Variants in CCKAR observed in about 807,000 individuals in gnomAD.
CCKAR encodes the protein cholecystokinin receptor type A.
CCKAR carries 21 observed loss-of-function variants against 29.8 expected under a neutral mutation model. The ratio of observed to expected loss-of-function variants is 0.70; its 90% CI spans 0.50 to 1.01. CCKAR has a LOEUF of 1.01. Ranked by LOEUF, CCKAR falls within the 50% of genes least tolerant of loss-of-function variation. The pLI, the probability that CCKAR is intolerant of heterozygous loss-of-function variation, is 0.00. For synonymous variants in CCKAR, 238 were observed against 221.3 expected, an observed-to-expected ratio of 1.08 and a Z score of -0.67; for missense variants, 570 against 560.6, an observed-to-expected ratio of 1.02 and a Z score of -0.17.
Position 26,487,231 on chromosome 4 carries a change from A to G in CCKAR, c.365-1333T>C, listed in dbSNP as rs114818598. On this transcript the variant is annotated intron_variant, in intron 2 of 4. Transcript: ENST00000295589. ...CCTTAGATTCTCCTTATTCTTATGG[A>G]TATAAACTAATTCTCTGAAACTATA... Among the ~76,000 whole-genome samples, 694 of 152,246 alleles carry G rather than the reference A, an allele frequency of 4.6e-3. 7 individuals are homozygous for G. The highest frequency in any genetic ancestry group is 0.015 in the African/African-American group (642 of 41,538).
chr4:26,488,582 C>G (rs1577708982), intron 2 of CCKAR, among the ~76,000 whole-genome samples: 1 of 152,306 alleles, frequency 6.6e-6, no homozygotes, highest in East Asian at 1.9e-4. Flanking sequence ...CTCAGCCAAT[C>G]AGGGTCAGCT....
Position 26,489,295 on chromosome 4 carries a change from G to C in CCKAR, c.302C>G (p.Pro101Arg), listed in dbSNP as rs200314183. 3.1e-6 allele frequency: 5 copies of C among 1,614,044 alleles called. No homozygotes were observed. Among genetic ancestry groups the C allele is most frequent in the Non-Finnish European group, 4.2e-6 (5 of 1,180,042 alleles). ...CLFCMPFNLI[P>R]NLLKDFIFGS... Reference sequence around the variant, plus strand: ...GAAGATGAAATCCTTGAGCAGATTGGGGATGAGGTTGAACGGCATGCAGAA... The same window carrying C: ...GAAGATGAAATCCTTGAGCAGATTGCGGATGAGGTTGAACGGCATGCAGAA... The change falls in exon 2 of 5, where the codon CCC becomes CGC. Residue 101 changes from proline (P) to arginine (R), a missense_variant. Physicochemically the swap from Pro to Arg is moderately radical, Grantham distance 103. Coordinates refer to ENST00000295589, the MANE Select transcript of CCKAR (RefSeq NM_000730.3).
rs770389980 is a variant in CCKAR, at chr4:26,485,641, ACTG to A, written c.619_621del (p.Gln207del). The A allele has an allele frequency of 3.1e-6, 5 of 1,613,974 alleles. No homozygotes were observed. Among genetic ancestry groups the A allele is most frequent in the Non-Finnish European group, 3.4e-6 (4 of 1,179,952 alleles). ...AAATAAACAATGCAACCTTACCAGG[ACTG>A]CTGCATAACATCATTTGGCAGTAGA... is the stretch of plus-strand genomic sequence containing the variant. On this transcript the variant is annotated inframe_deletion, in exon 3 of 5. Transcript: ENST00000295589.
intron 2 of CCKAR, 133 bp downstream of exon 2, chr4:26,489,100 C>T: frequency 1.8e-6 from 2 of 1,135,348 alleles, no homozygotes; most frequent in Non-Finnish European, 2.6e-6. Flanking sequence ...TGCACACAGC[C>T]ATGCACAGCC....
rs1451880376 is a variant in CCKAR at position 26,482,274 on chromosome 4, ACTGAGAAATGGCAGACAACCTGGC to A, written c.755-128_755-105del. ...ATCAAGAAGTCCAAACCAAACAGGA[ACTGAGAAATGGCAGACAACCTGGC>A]CTTACACTGATATGGGTAAGCATTG... On this transcript the variant is annotated intron_variant, in intron 4 of 4. Transcript: ENST00000295589. 7 of 1,091,456 alleles carry A rather than the reference ACTGAGAAATGGCAGACAACCTGGC, an allele frequency of 6.4e-6. 1 individual carries two copies. The highest frequency in any genetic ancestry group is 8.0e-6 in the Non-Finnish European group (6 of 750,186). The allele number at this position is 1,091,456 out of a possible 1,614,324, so 67.6% of individuals were successfully genotyped here. A position where few individuals can be genotyped will look rare whatever the true frequency, so the allele number is the denominator to read the frequency against.
In CCKAR at chr4:26,486,929, T is replaced by A. The variant is rs190515584; in HGVS notation, c.365-1031A>T. Among the ~76,000 whole-genome samples, 218 of 152,092 alleles carry A rather than the reference T, an allele frequency of 1.4e-3. 2 individuals are homozygous for A. The Middle Eastern group carries it at 0.048, about 33-fold the overall frequency. On this transcript the variant is annotated intron_variant, in intron 2 of 4. Coordinates refer to ENST00000295589, the MANE Select transcript of CCKAR (RefSeq NM_000730.3). The stretch of plus-strand genomic sequence containing the variant: ...ACTCCATCTCAAAAATAAAATAAAA[T>A]AAATCATGTACTTCTTGGTCTTAGA...
rs190540410 is a variant in CCKAR at position 26,486,025 on chromosome 4, T to C, written c.365-127A>G. 2.3e-4 allele frequency: 170 copies of C among 754,720 alleles called. No individual in the cohort carries two copies. In the African/African-American group the frequency reaches 2.6e-3, roughly 11 times the overall value. 46.8% of individuals were successfully genotyped at this position (754,720 alleles called of 1,614,324 possible). ...GGAAAACGCTTGGAAGGTAAAGAAA[T>C]ATTGTGTATGTATATTTTTAAAAGA... On this transcript the variant is annotated intron_variant, in intron 2 of 4. Transcript: ENST00000295589.
chr4:26,486,829 G>A (rs1021843730), intron 2 of CCKAR, among the ~76,000 whole-genome samples: 63 of 152,242 alleles, frequency 4.1e-4, no homozygotes, highest in African/African-American at 1.4e-3. Context: ...CAGAAGAATC[G>A]CTGGAATCTG....
chr4:26,490,041 C>G (rs565452375), intron 1 of CCKAR, 115 bp downstream of exon 1: 1 of 672,024 alleles, frequency 1.5e-6, no homozygotes, highest in South Asian at 1.8e-5. Flanking sequence ...ATGACTTTAT[C>G]TAGCCTTGTC....
At chr4:26,482,571 A>T (rs1175750164) in intron 4 of CCKAR, among the ~76,000 whole-genome samples, 1 of 152,182 alleles carries the variant, frequency 6.6e-6, no homozygotes, top group East Asian at 1.9e-4. Context: ...AAGAAGCTAG[A>T]GAGACTCAGT....
At chr4:26,482,233 GC>G in intron 4 of CCKAR, 63 bp from the exon 5 acceptor site, 1 of 1,473,344 alleles carries the variant, frequency 6.8e-7, no homozygotes, top group Non-Finnish European at 9.2e-7. Context: ...AAGGCATGGA[GC>G]CCCCACTCCC....
Position 26,490,303 on chromosome 4 carries a change from T to A in CCKAR, c.-36A>T. ...TGCTTTCCACCAAGTGCTGGAGAGC[T>A]GGTGAATTGCTCACTCCCGGCTCAT... On this transcript the variant is annotated 5_prime_UTR_variant, in exon 1 of 5. Coordinates refer to ENST00000295589, the MANE Select transcript of CCKAR (RefSeq NM_000730.3). The A allele has an allele frequency of 7.3e-7, 1 of 1,367,684 alleles. No homozygotes were observed. Among genetic ancestry groups the A allele is most frequent in the Non-Finnish European group, 1.0e-6 (1 of 956,492 alleles). 84.7% of individuals were successfully genotyped at this position (1,367,684 alleles called of 1,614,324 possible).
chr4:26,484,434 A>G (rs1220457801), intron 3 of CCKAR, among the ~76,000 whole-genome samples: 1 of 152,176 alleles, frequency 6.6e-6, no homozygotes, highest in Non-Finnish European at 1.5e-5. Context: ...GGTAAATATA[A>G]TACCCTGCAA....
In CCKAR at chr4:26,486,227, C is replaced by T. The variant is rs145635306; in HGVS notation, c.365-329G>A. Among the ~76,000 whole-genome samples, 623 of 152,134 alleles carry T rather than the reference C, an allele frequency of 4.1e-3. 1 individual carries two copies. The highest frequency in any genetic ancestry group is 5.4e-3 in the Non-Finnish European group (367 of 68,000). The stretch of plus-strand genomic sequence containing the variant: ...CCAAGGGGATGAAATTCATTCTTGC[C>T]CCCACAGAAGAGGTTTCTCTAAAAT... On this transcript the variant is annotated intron_variant, in intron 2 of 4. Transcript: ENST00000295589.
Position 26,490,145 on chromosome 4 carries a change from C to T in CCKAR, c.112+11G>A. The T allele has an allele frequency of 6.3e-7, 1 of 1,579,350 alleles. No homozygotes were observed. The highest frequency in any genetic ancestry group is 8.7e-7 in the Non-Finnish European group (1 of 1,148,990). ...GTTTCCTGAATTAAAATAACAGCTT[C>T]CGACACTTACCTTTGGAAGGACGGG... On this transcript the variant is annotated intron_variant, in intron 1 of 4. Transcript: ENST00000295589.
In CCKAR at chr4:26,482,049, C is replaced by CCTG. The variant is rs752696887; in HGVS notation, c.873_875dup (p.Ser291dup). 1.2e-6 allele frequency: 2 copies of CCTG among 1,614,202 alleles called. No homozygotes were observed. The highest frequency in any genetic ancestry group is 1.1e-5 in the South Asian group (1 of 91,084). ...AGCTGTTACTCCGGATGCGGTTGGC[C>CCTG]CTGCTGCTGCTGCCGGTGGACAGCT... On this transcript the variant is annotated inframe_insertion, in exon 5 of 5. Coordinates refer to ENST00000295589, the MANE Select transcript of CCKAR (RefSeq NM_000730.3).
rs759897337 is a variant in CCKAR, at chr4:26,489,250, G to T, written c.347C>A (p.Thr116Asn). 3 of 1,614,124 alleles carry T rather than the reference G, an allele frequency of 1.9e-6. No homozygotes were observed. In the Admixed American group the frequency reaches 5.0e-5, roughly 27 times the overall value. Reference sequence around the variant, plus strand: ...CAACTTACCCATGAAGTAGGTGGTGGTCTTGCAAACGGCGCTCCCGAAGAT... The same window carrying T: ...CAACTTACCCATGAAGTAGGTGGTGTTCTTGCAAACGGCGCTCCCGAAGAT... ...DFIFGSAVCK[T>N]TTYFMGTSVS... The change falls in exon 2 of 5, where the codon ACC becomes AAC. Residue 116 changes from threonine to asparagine, a missense_variant. Thr to Asn is a moderately conservative substitution (Grantham distance 65). Coordinates refer to ENST00000295589, the MANE Select transcript of CCKAR (RefSeq NM_000730.3).
At chr4:26,485,565 G>A (rs761571003) in intron 3 of CCKAR, 72 bp downstream of exon 3, 5 of 1,526,258 alleles carry the variant, frequency 3.3e-6, no homozygotes, top group Admixed American at 1.7e-5. Context: ...TCTGGGCAAG[G>A]CATCTCAGTT....
At position 26,481,932 on chromosome 4, in the gene CCKAR, G is replaced by A. The variant is rs1737356174; in HGVS notation, c.993C>T (p.Ser331=). The A allele has an allele frequency of 2.5e-6, 4 of 1,614,274 alleles. No homozygotes were observed. The highest frequency in any genetic ancestry group is 1.1e-5 in the South Asian group (1 of 91,092). The change falls in exon 5 of 5, where the codon AGC becomes AGT. Residue 331 remains serine (S), a synonymous_variant. Coordinates refer to ENST00000295589, the MANE Select transcript of CCKAR (RefSeq NM_000730.3). ...LFFLCWMPIF[S]ANAWRAYDTA... is the part of the protein sequence containing the mutation. Reference sequence around the variant, plus strand: ...TGTCGTAGGCCCGCCAGGCGTTGGCGCTGAAGATGGGCATCCAGCACAGGA... The same window carrying A: ...TGTCGTAGGCCCGCCAGGCGTTGGCACTGAAGATGGGCATCCAGCACAGGA...
Sources: allele counts gnomAD v4.1 joint callset (sites outside exome capture counted in the v4.1 genomes callset), GRCh38; gene constraint gnomAD v4.1.1; transcripts MANE v1.5; gene names NCBI Gene and HGNC (gene_info 2026-07-23, HGNC 2026-07-21).